ZNF275: variants seen among roughly 807,000 people sequenced by gnomAD.
ZNF275 encodes zinc finger protein 275.
Under a neutral mutation model 4.3 loss-of-function variants are expected in ZNF275, and 4 were observed. The observed-to-expected ratio is 0.93, with a 90% CI of 0.46 to 2.13. ZNF275 has a LOEUF of 2.13. ZNF275 is among the 30% of genes most tolerant of loss of function. ZNF275 has a pLI of 0.02. For missense variants in ZNF275, 352 were observed against 397.1 expected (o/e 0.89, Z 0.97); for synonymous variants, 173 against 166.9 (o/e 1.04, Z -0.28).
chrX:153,347,822 C>T lies in ZNF275; in HGVS notation c.1137C>T (p.Cys379=), dbSNP rs2088530156. ...ACAGCGGACTGAAACCCTATGAGTG[C>T]GACAAATGCGGCAAGGCCTTCCGCC... ...RIHSGLKPYE[C]DKCGKAFRRS... is the part of the protein sequence containing the mutation. The change falls in exon 4 of 4, where the codon TGC becomes TGT. Residue 379 remains cysteine (C), a synonymous_variant. Coordinates refer to ENST00000650114, the MANE Select transcript of ZNF275 (RefSeq NM_001367757.1). 5 of 1,208,389 alleles carry T rather than the reference C, an allele frequency of 4.1e-6. No individual in the cohort carries two copies. Among genetic ancestry groups the T allele is most frequent in the East Asian group, 3.0e-5 (1 of 33,648 alleles).
chrX:153,347,048 A>G lies in ZNF275; in HGVS notation c.363A>G (p.Arg121=). ...RLKVLLVQHQ[R]VHSEEKGWEC... is the part of the protein sequence containing the mutation. ...AAGTCCTGCTTGTCCAGCACCAGAG[A>G]GTCCACAGTGAGGAGAAGGGCTGGG... The change falls in exon 4 of 4, where the codon AGA becomes AGG. Residue 121 remains arginine (R), a synonymous_variant. Coordinates refer to ENST00000650114, the MANE Select transcript of ZNF275 (RefSeq NM_001367757.1). 8.3e-7 allele frequency: 1 copy of G among 1,211,445 alleles called. No individual in the cohort carries two copies. Among genetic ancestry groups the G allele is most frequent in the Non-Finnish European group, 1.1e-6 (1 of 895,396 alleles).
chrX:153,338,657 GGACT>G (rs2088460715), intron 2 of ZNF275, among the ~76,000 whole-genome samples: 1 of 89,157 alleles, frequency 1.1e-5, no homozygotes, highest in Non-Finnish European at 2.2e-5. Flanking sequence ...TGGCTTGGGA[GGACT>G]GTGTGTGTGT....
rs1454175160 is a variant in ZNF275, at chrX:153,352,040, A to G, written c.*4065A>G. On this transcript the variant is annotated 3_prime_UTR_variant, in exon 4 of 4. Transcript: ENST00000650114. ...CAGGCCTTCCAGATCTGAAATGCAAACAAGGAAACAGAAGCTTCTAGGCAT... is the reference window on the plus strand; with the variant it reads ...CAGGCCTTCCAGATCTGAAATGCAAGCAAGGAAACAGAAGCTTCTAGGCAT... The G allele has an allele frequency of 8.9e-6, 1 of 112,219 alleles. No individual in the cohort carries two copies. Among genetic ancestry groups the G allele is most frequent in the Non-Finnish European group, 1.9e-5 (1 of 53,255 alleles). 9.2% of individuals were successfully genotyped at this position (112,219 alleles called of 1,213,427 possible).
intron 2 of ZNF275, chrX:153,343,481 TTTTA>T: frequency 3.0e-6 from 1 of 330,085 alleles, no homozygotes. Context: ...CATTCAGCTC[TTTTA>T]TTTAACAATT....
chrX:153,339,020 G>A (rs1323430656), intron 2 of ZNF275, among the ~76,000 whole-genome samples: 3 of 111,228 alleles, frequency 2.7e-5, no homozygotes, highest in Non-Finnish European at 5.7e-5. Context: ...GGTAATAACC[G>A]CAGGATGTGG....
intron 2 of ZNF275, chrX:153,343,396 T>C: frequency 2.8e-6 from 1 of 352,697 alleles, no homozygotes; most frequent in Admixed American, 2.8e-5. Context: ...GTGGGAGGCC[T>C]GTGATGCACG....
intron 2 of ZNF275, chrX:153,344,510 A>G (rs2088499229): frequency 3.2e-6 from 1 of 314,532 alleles, no homozygotes; most frequent in African/African-American, 2.7e-5. Flanking sequence ...GTGCTTGATC[A>G]GGTTCTCTTT....
chrX:153,352,323 T>C lies in ZNF275; in HGVS notation c.*4348T>C, dbSNP rs2088561609. Reference sequence around the variant, plus strand: ...CACCTGTTCAAACGTGTGTTCTCTGTTCTCTAAGATGGGTGAAAGTCGATG... The same window carrying C: ...CACCTGTTCAAACGTGTGTTCTCTGCTCTCTAAGATGGGTGAAAGTCGATG... On this transcript the variant is annotated 3_prime_UTR_variant, in exon 4 of 4. Transcript: ENST00000650114. The C allele has an allele frequency of 8.9e-6, 1 of 112,304 alleles. No individual in the cohort carries two copies. Among genetic ancestry groups the C allele is most frequent in the Non-Finnish European group, 1.9e-5 (1 of 53,244 alleles). 9.3% of individuals were successfully genotyped at this position (112,304 alleles called of 1,213,427 possible).
At chrX:153,340,109 G>A (rs2088472212) in intron 2 of ZNF275, among the ~76,000 whole-genome samples, 1 of 112,337 alleles carries the variant, frequency 8.9e-6, no homozygotes, top group African/African-American at 3.2e-5. Flanking sequence ...GTATACCAGA[G>A]GAATCCAACG....
chrX:153,338,602 G>A (rs1263818330), intron 2 of ZNF275, among the ~76,000 whole-genome samples: 4 of 109,890 alleles, frequency 3.6e-5, no homozygotes, highest in East Asian at 2.9e-4. Flanking sequence ...GGATTTGCCC[G>A]ATTAAGTTGA....
rs1569527814 is a variant in ZNF275, at chrX:153,336,693, CGT to C, written c.21_22del (p.Leu9PhefsTer30). The C allele has an allele frequency of 2.6e-6, 3 of 1,167,441 alleles. No homozygotes were observed. The highest frequency in any genetic ancestry group is 3.4e-6 in the Non-Finnish European group (3 of 872,824). ...TAGTTCTGAGGCATGATGAGTCATC[CGT>C]GTGTGTCTCTTTTGGGTAAGTCTGG... On this transcript the variant is annotated frameshift_variant, in exon 2 of 4. Transcript: ENST00000650114. LOFTEE classifies it high-confidence loss of function.
intron 2 of ZNF275, among the ~76,000 whole-genome samples, chrX:153,338,912 C>G (rs1353169689): frequency 9.0e-6 from 1 of 111,132 alleles, no homozygotes; most frequent in Non-Finnish European, 1.9e-5. Context: ...TTATTTCACT[C>G]TTCTCTGGTG....
At chrX:153,336,322 G>T (rs2088445547) in intron 1 of ZNF275, among the ~76,000 whole-genome samples, 1 of 112,894 alleles carries the variant, frequency 8.9e-6, no homozygotes, top group Non-Finnish European at 1.9e-5. Context: ...GGCCCTTCAG[G>T]ATTCTGCTAC....
chrX:153,347,983 C>T lies in ZNF275; in HGVS notation c.*8C>T. 2 of 1,106,120 alleles carry T rather than the reference C, an allele frequency of 1.8e-6. No individual in the cohort carries two copies. Among genetic ancestry groups the T allele is most frequent in the Non-Finnish European group, 2.4e-6 (2 of 842,182 alleles). 91.2% of individuals were successfully genotyped at this position (1,106,120 alleles called of 1,213,427 possible). On this transcript the variant is annotated 3_prime_UTR_variant, in exon 4 of 4. Coordinates refer to ENST00000650114, the MANE Select transcript of ZNF275 (RefSeq NM_001367757.1). ...CCAACCCACCACGAGTAGAAACGCC[C>T]TGTGGTCCCGCGGGACAGGGACGGA...
At chrX:153,339,691 T>C (rs193108967) in intron 2 of ZNF275, among the ~76,000 whole-genome samples, 45 of 110,434 alleles carry the variant, frequency 4.1e-4, no homozygotes, top group African/African-American at 1.5e-3. Context: ...AAAATAAAAA[T>C]AGAGTTGGGG....
At chrX:153,337,269 A>C (rs1286521786) in intron 2 of ZNF275, among the ~76,000 whole-genome samples, 1 of 111,655 alleles carries the variant, frequency 9.0e-6, no homozygotes, top group African/African-American at 3.3e-5. Flanking sequence ...TTGCTTGGCT[A>C]TTTGTGCGAT....
intron 2 of ZNF275, among the ~76,000 whole-genome samples, chrX:153,337,446 C>T (rs1556960685): frequency 1.8e-5 from 2 of 111,836 alleles, no homozygotes; most frequent in African/African-American, 6.5e-5. Context: ...GAGTTCAACT[C>T]TTCATTTCTG....
rs782065566 is a variant in ZNF275 at position 153,352,899 on chromosome X, G to C, written c.*4924G>C. The C allele has an allele frequency of 9.0e-6, 1 of 111,669 alleles. No individual in the cohort carries two copies. The highest frequency in any genetic ancestry group is 2.8e-4 in the East Asian group (1 of 3,538). The allele number at this position is 111,669 out of a possible 1,213,427, so 9.2% of individuals were successfully genotyped here. On this transcript the variant is annotated 3_prime_UTR_variant, in exon 4 of 4. Coordinates refer to ENST00000650114, the MANE Select transcript of ZNF275 (RefSeq NM_001367757.1). The stretch of plus-strand genomic sequence containing the variant: ...CTAGCACAGTGCCTTGCATCAAGTA[G>C]ATTTCAATAAATATATGTTAAATGG...
chrX:153,335,491 C>A, intron 1 of ZNF275: 1 of 109,898 alleles, frequency 9.1e-6, no homozygotes. Context: ...AGTACATCCC[C>A]ACAAAATGTT....
Sources: allele counts gnomAD v4.1 joint callset (sites outside exome capture counted in the v4.1 genomes callset), GRCh38; gene constraint gnomAD v4.1.1; transcripts MANE v1.5; gene names NCBI Gene and HGNC (gene_info 2026-07-23, HGNC 2026-07-21).